DNAH14: variants seen among roughly 807,000 people sequenced by gnomAD.
DNAH14 encodes the protein axonemal beta dynein heavy chain 14.
DNAH14 carries 478 observed loss-of-function variants against 520.9 expected under a neutral mutation model. That is an observed-to-expected ratio of 0.92 (90% CI 0.85 to 0.99). The LOEUF (loss-of-function observed/expected upper bound fraction) is 0.99, where lower values mean the gene tolerates loss of function less well. DNAH14 is among the 50% of genes least tolerant of loss of function. The pLI, the probability that DNAH14 is intolerant of heterozygous loss-of-function variation, is 0.00. For synonymous variants in DNAH14, 1,581 were observed against 1,757.2 expected (o/e 0.90, Z 2.51); for missense variants, 4,831 against 5,234.5 (o/e 0.92, Z 2.38).
chr1:225,295,051 C>T (rs2093977715), intron 55 of DNAH14, among the ~76,000 whole-genome samples: 1 of 152,048 alleles, frequency 6.6e-6, no homozygotes, highest in African/African-American at 2.4e-5. Flanking sequence ...TGATGTGTTG[C>T]TGTTCATAAT....
chr1:225,336,492 G>GAA (rs11382842), intron 66 of DNAH14, among the ~76,000 whole-genome samples: 1 of 151,758 alleles, frequency 6.6e-6, no homozygotes, highest in East Asian at 1.9e-4. Flanking sequence ...GAACTATAGG[G>GAA]AAAAAATAGA....
intron 1 of DNAH14, among the ~76,000 whole-genome samples, chr1:224,942,744 C>CT (rs1232985184): frequency 8.9e-6 from 1 of 112,542 alleles, no homozygotes; most frequent in Non-Finnish European, 1.6e-5. Context: ...AAGGCCTTTT[C>CT]ACATCTATTG....
chr1:225,230,905 T>A (rs2091044019), intron 41 of DNAH14, among the ~76,000 whole-genome samples, 168 bp from the exon 42 acceptor site: 1 of 152,208 alleles, frequency 6.6e-6, no homozygotes, highest in South Asian at 2.1e-4. Flanking sequence ...TCTGCTCCTC[T>A]AATTCCCACT....
At chr1:225,094,557 G>T (rs573671996) in intron 21 of DNAH14, among the ~76,000 whole-genome samples, 3 of 150,218 alleles carry the variant, frequency 2.0e-5, no homozygotes, top group Non-Finnish European at 4.4e-5. Context: ...CATTCTAGGG[G>T]CCAAGGCAAA....
Position 225,240,760 on chromosome 1 carries a change from CA to C in DNAH14, c.6690del (p.Val2231Ter), listed in dbSNP as rs2091917332. 5 of 1,550,276 alleles carry C rather than the reference CA, an allele frequency of 3.2e-6. No homozygotes were observed. Among genetic ancestry groups the C allele is most frequent in the Non-Finnish European group, 3.5e-6 (4 of 1,146,112 alleles). ...FCPSLEPDSL[A>X]KVTYDFDKLV... ...CCCAGTCTTGAACCTGATTCTCTTG[CA>C]AAAGTAACATACGATTTTGACAAAC... On this transcript the variant is annotated frameshift_variant, in exon 43 of 86. Transcript: ENST00000682510. LOFTEE classifies it high-confidence loss of function.
chr1:225,336,570 G>A (rs1333858120), intron 66 of DNAH14, among the ~76,000 whole-genome samples: 1 of 152,134 alleles, frequency 6.6e-6, no homozygotes, highest in Non-Finnish European at 1.5e-5. Flanking sequence ...ACAAAAATCA[G>A]TAAGAATAGA....
intron 8 of DNAH14, among the ~76,000 whole-genome samples, chr1:224,997,152 GC>G (rs768610321): frequency 6.6e-5 from 10 of 152,208 alleles, no homozygotes; most frequent in South Asian, 2.1e-4. Context: ...TAGGCTGGTT[GC>G]CATGGGCTCT....
At chr1:225,197,625 T>A (rs937558985) in intron 38 of DNAH14, among the ~76,000 whole-genome samples, 4 of 152,180 alleles carry the variant, frequency 2.6e-5, no homozygotes, top group African/African-American at 9.6e-5. Flanking sequence ...TGTAGATTGC[T>A]TTTTTGGCAG....
chr1:225,017,289 T>G (rs2065288495), intron 10 of DNAH14, among the ~76,000 whole-genome samples: 1 of 152,244 alleles, frequency 6.6e-6, no homozygotes, highest in South Asian at 2.1e-4. Flanking sequence ...TTGTCTAATG[T>G]TTAAATACAG....
chr1:225,021,151 A>G (rs1436470244), intron 10 of DNAH14, among the ~76,000 whole-genome samples: 69 of 152,178 alleles, frequency 4.5e-4, no homozygotes, highest in Admixed American at 4.5e-3. Context: ...ACATACCTCA[A>G]AATAATCAGA....
At chr1:225,121,959 T>C (rs1287474217) in intron 26 of DNAH14, among the ~76,000 whole-genome samples, 1 of 152,062 alleles carries the variant, frequency 6.6e-6, no homozygotes, top group Non-Finnish European at 1.5e-5. Flanking sequence ...GGCAGTACTT[T>C]ATCTTACCAG....
rs2087233821 is a variant in DNAH14 at position 225,204,193 on chromosome 1, T to C, written c.5897T>C (p.Leu1966Pro). 6.9e-7 allele frequency: 1 copy of C among 1,458,472 alleles called. No individual in the cohort carries two copies. Among genetic ancestry groups the C allele is most frequent in the Non-Finnish European group, 9.0e-7 (1 of 1,111,596 alleles). The allele number at this position is 1,458,472 out of a possible 1,614,324, so 90.3% of individuals were successfully genotyped here. The change falls in exon 39 of 86, where the codon CTT becomes CCT. Residue 1966 changes from leucine (L) to proline (P), a missense_variant. Coordinates refer to ENST00000682510, the MANE Select transcript of DNAH14 (RefSeq NM_001367479.1). ...GATTACATATTTTAGGTTTTCAAAC[T>C]TGATTCCTCTGATACAACAGAGACT... Reference protein sequence around the residue: ...RISDLSNVFKLDSSDTTETDD... With the variant: ...RISDLSNVFKPDSSDTTETDD...
chr1:225,012,371 C>T (rs2064845727), intron 10 of DNAH14, among the ~76,000 whole-genome samples: 1 of 152,024 alleles, frequency 6.6e-6, no homozygotes, highest in Non-Finnish European at 1.5e-5. Context: ...TTCTCTCTGG[C>T]TGACCTTTAC....
At chr1:225,335,174 C>T (rs958767590) in intron 66 of DNAH14, among the ~76,000 whole-genome samples, 9 of 136,654 alleles carry the variant, frequency 6.6e-5, no homozygotes, top group African/African-American at 2.3e-4. Context: ...TGCATGTGTA[C>T]ATGTGCGCAT....
chr1:225,003,610 G>T (rs147265399), intron 9 of DNAH14, among the ~76,000 whole-genome samples: 38 of 152,140 alleles, frequency 2.5e-4, no homozygotes, highest in Non-Finnish European at 4.0e-4. Context: ...CGTATGTTTA[G>T]AATTGATTAT....
chr1:225,223,340 AC>A (rs2090233181), intron 41 of DNAH14, among the ~76,000 whole-genome samples: 2 of 152,120 alleles, frequency 1.3e-5, no homozygotes, highest in Non-Finnish European at 2.9e-5. Context: ...CACTTTGCAG[AC>A]CTCTTTCTAG....
chr1:225,299,717 T>TAA (rs2094099468), intron 55 of DNAH14, among the ~76,000 whole-genome samples: 1 of 152,220 alleles, frequency 6.6e-6, no homozygotes, highest in South Asian at 2.1e-4. Context: ...TCATTGGATC[T>TAA]GTTTCCCACA....
At chr1:225,387,970 G>C (rs2095861698) in intron 81 of DNAH14, among the ~76,000 whole-genome samples, 1 of 152,114 alleles carries the variant, frequency 6.6e-6, no homozygotes, top group Admixed American at 6.5e-5. Flanking sequence ...CTCAGAACTG[G>C]AAGGCAAAGG....
chr1:225,185,946 G>GTTTTTTTTT (rs11443248), intron 37 of DNAH14, among the ~76,000 whole-genome samples: 8 of 98,762 alleles, frequency 8.1e-5, no homozygotes, highest in East Asian at 3.0e-4. Context: ...ATTACACTTT[G>GTTTTTTTTT]TTTTTTTTTT....
Sources: gnomAD v4.1 joint callset for allele counts (sites outside exome capture counted in the v4.1 genomes callset) on GRCh38, gnomAD v4.1.1 for gene constraint, MANE v1.5 for transcripts, NCBI Gene and HGNC (gene_info 2026-07-23, HGNC 2026-07-21) for gene names.